Variants in RNF214 observed in about 807,000 individuals in gnomAD.
RNF214 encodes ring finger protein 214.
In RNF214, 25 loss-of-function variants were observed where a neutral mutation model predicts 75.9. That is an observed-to-expected ratio of 0.33 (90% CI 0.24 to 0.46). The LOEUF is 0.46. Among genes scored for constraint, RNF214 ranks in the 20% least tolerant of loss-of-function variants. The pLI, the probability that RNF214 is intolerant of heterozygous loss-of-function variation, is 1.00. For missense variants in RNF214, 725 were observed against 857.5 expected (o/e 0.85, Z 1.93); for synonymous variants, 314 against 308.8 (o/e 1.02, Z -0.18).
At chr11:117,266,579 C>T (rs1010107714) in intron 6 of RNF214, among the ~76,000 whole-genome samples, 2 of 152,046 alleles carry the variant, frequency 1.3e-5, no homozygotes, top group Non-Finnish European at 2.9e-5. Flanking sequence ...AGGCTGGTCT[C>T]GAATTCCTGG....
At chr11:117,247,871 A>C (rs1191868333) in intron 6 of RNF214, among the ~76,000 whole-genome samples, 1 of 151,268 alleles carries the variant, frequency 6.6e-6, no homozygotes, top group Admixed American at 6.6e-5. Flanking sequence ...AAAAAAAAAA[A>C]CAAAACAAAA....
chr11:117,280,028 G>A (rs1441087279), intron 7 of RNF214, 24 bp downstream of exon 7: 1 of 1,582,946 alleles, frequency 6.3e-7, no homozygotes, highest in Non-Finnish European at 8.6e-7. Context: ...CTGATATCTT[G>A]AAAGTCTTAG....
At chr11:117,276,376 A>G (rs2034016106) in intron 6 of RNF214, among the ~76,000 whole-genome samples, 1 of 152,148 alleles carries the variant, frequency 6.6e-6, no homozygotes, top group Admixed American at 6.6e-5. Context: ...TTGGGAGGCC[A>G]GTTCAGGAAG....
At position 117,282,106 on chromosome 11, in the gene RNF214, C is replaced by A; in HGVS notation, c.1548C>A (p.Ser516=). The change falls in exon 11 of 15, where the codon TCC becomes TCA. Residue 516 remains serine, a synonymous_variant. Coordinates refer to ENST00000300650, the MANE Select transcript of RNF214 (RefSeq NM_207343.4). ...GCAGAAATAGCCCTGGCTTGGGTTC[C>A]CTTGTCAGCCCCCACGGTCCACACA... ...SHGRNSPGLG[S]LVSPHGPHMP... 1 of 1,614,116 alleles carries A rather than the reference C, an allele frequency of 6.2e-7. No individual in the cohort carries two copies. The highest frequency in any genetic ancestry group is 8.5e-7 in the Non-Finnish European group (1 of 1,180,016).
At chr11:117,248,300 TCTC>T (rs1247941281) in intron 6 of RNF214, among the ~76,000 whole-genome samples, 3 of 152,118 alleles carry the variant, frequency 2.0e-5, no homozygotes, top group Non-Finnish European at 2.9e-5. Flanking sequence ...ATGGTCTCGA[TCTC>T]CTGACCTCAT....
rs575233888 is a variant in RNF214 at position 117,282,588 on chromosome 11, A to G, written c.1845+52A>G. On this transcript the variant is annotated intron_variant, in intron 12 of 14. Coordinates refer to ENST00000300650, the MANE Select transcript of RNF214 (RefSeq NM_207343.4). The stretch of plus-strand genomic sequence containing the variant: ...TTAGGCATGTTGAGGGCTGGGGAAG[A>G]GGTAGATTTCAGAAAAATGTGGGGT... 44 of 1,599,108 alleles carry G rather than the reference A, an allele frequency of 2.8e-5. No individual in the cohort carries two copies. In the Admixed American group the frequency reaches 3.6e-4, roughly 13 times the overall value.
At chr11:117,234,149 A>AGGTTTTTGTGT in intron 1 of RNF214, 118 bp from the exon 2 acceptor site, 1 of 733,758 alleles carries the variant, frequency 1.4e-6, no homozygotes, top group Non-Finnish European at 2.4e-6. Context: ...CCCGGAGCCC[A>AGGTTTTTGTGT]GGTTTTTGTG....
intron 6 of RNF214, among the ~76,000 whole-genome samples, chr11:117,275,300 A>G (rs73010463): frequency 6.6e-6 from 1 of 152,334 alleles, no homozygotes; most frequent in Non-Finnish European, 1.5e-5. Context: ...CCTTCATCAA[A>G]AAGACAGGTC....
At chr11:117,262,776 G>A (rs569172107) in intron 6 of RNF214, among the ~76,000 whole-genome samples, 1 of 151,732 alleles carries the variant, frequency 6.6e-6, no homozygotes, top group East Asian at 1.9e-4. Context: ...TTAGGCCAGA[G>A]GGATGTTAAA....
intron 6 of RNF214, among the ~76,000 whole-genome samples, chr11:117,251,969 A>G (rs2033406889): frequency 2.0e-5 from 3 of 152,190 alleles, no homozygotes; most frequent in African/African-American, 7.2e-5. Flanking sequence ...CCTGTGTTCA[A>G]GTGATTCTCC....
chr11:117,250,149 A>G (rs1202473436), intron 6 of RNF214, among the ~76,000 whole-genome samples: 1 of 152,232 alleles, frequency 6.6e-6, no homozygotes, highest in Non-Finnish European at 1.5e-5. Flanking sequence ...TGAAAGAGGC[A>G]TATAACCCAT....
intron 6 of RNF214, among the ~76,000 whole-genome samples, chr11:117,250,601 AT>A (rs1167622732): frequency 2.1e-5 from 1 of 48,140 alleles, no homozygotes; most frequent in African/African-American, 1.6e-4. Context: ...TTATTTATTT[AT>A]TTATTTATTT....
At chr11:117,264,593 G>T (rs192178142) in intron 6 of RNF214, among the ~76,000 whole-genome samples, 3 of 151,940 alleles carry the variant, frequency 2.0e-5, no homozygotes, top group African/African-American at 7.3e-5. Flanking sequence ...TGATAAGTTG[G>T]CTATTTTGTC....
At position 117,238,909 on chromosome 11, in the gene RNF214, G is replaced by A. The variant is rs575931748; in HGVS notation, c.416G>A (p.Cys139Tyr). 4 of 1,614,184 alleles carry A rather than the reference G, an allele frequency of 2.5e-6. No homozygotes were observed. In the South Asian group the frequency reaches 4.4e-5, roughly 18 times the overall value. The change falls in exon 3 of 15, where the codon TGC becomes TAC. Residue 139 changes from cysteine to tyrosine, a missense_variant. This residue lies in a region of RNF214 where 362 missense variants were observed against 344.5 expected (regional missense o/e 1.05). Coordinates refer to ENST00000300650, the MANE Select transcript of RNF214 (RefSeq NM_207343.4). The part of the protein sequence containing the change: ...HPVTRSLKAG[C>Y]HTKQLASRNC... ...GTCACTCGGTCTCTTAAGGCAGGGTGCCATACTAAGCAGCTTGCCTCCAGG... is the reference window on the plus strand; with the variant it reads ...GTCACTCGGTCTCTTAAGGCAGGGTACCATACTAAGCAGCTTGCCTCCAGG...
chr11:117,237,139 G>A (rs2032932627), intron 2 of RNF214, among the ~76,000 whole-genome samples: 3 of 152,192 alleles, frequency 2.0e-5, no homozygotes, highest in African/African-American at 4.8e-5. Flanking sequence ...GAGTACAGTG[G>A]TGCGATCATG....
chr11:117,234,963 CT>C (rs2032860622), intron 2 of RNF214, among the ~76,000 whole-genome samples: 1 of 152,090 alleles, frequency 6.6e-6, no homozygotes. Context: ...CTACTTAAAG[CT>C]ATTAAAAAGA....
intron 6 of RNF214, among the ~76,000 whole-genome samples, chr11:117,269,806 C>T (rs2033871412): frequency 6.6e-6 from 1 of 152,208 alleles, no homozygotes; most frequent in African/African-American, 2.4e-5. Flanking sequence ...AAACAATACA[C>T]ATTTTGTGTA....
chr11:117,285,353 C>G lies in RNF214; in HGVS notation c.*202C>G, dbSNP rs1347677152. ...TATATTATGCAGAAACAGTCTGTTC[C>G]CCCTCATCTTGCAATTCCTTTGGGG... On this transcript the variant is annotated 3_prime_UTR_variant, in exon 15 of 15. Transcript: ENST00000300650. The G allele has an allele frequency of 4.6e-6, 2 of 433,406 alleles. No homozygotes were observed. Among genetic ancestry groups the G allele is most frequent in the Non-Finnish European group, 8.2e-6 (2 of 243,572 alleles). 26.8% of individuals were successfully genotyped at this position (433,406 alleles called of 1,614,324 possible). A position where few individuals can be genotyped will look rare whatever the true frequency, so the allele number is the denominator to read the frequency against.
intron 4 of RNF214, among the ~76,000 whole-genome samples, chr11:117,243,131 T>TTTTA (rs1485084171): frequency 2.1e-5 from 3 of 145,088 alleles, no homozygotes; most frequent in African/African-American, 8.0e-5. Context: ...GAGCCTTTTT[T>TTTTA]ATTAATTAAT....
Sources: allele counts gnomAD v4.1 joint callset (sites outside exome capture counted in the v4.1 genomes callset), GRCh38; gene constraint gnomAD v4.1.1; regional missense constraint gnomAD v4.1.1; transcripts MANE v1.5; gene names NCBI Gene and HGNC (gene_info 2026-07-23, HGNC 2026-07-21).